Variants in BCAR3 observed in about 807,000 individuals in gnomAD.
BCAR3 encodes the protein BCAR3 adaptor protein, NSP family member, also known as breast cancer anti-estrogen resistance protein 3.
Under a neutral mutation model 80.1 loss-of-function variants are expected in BCAR3, and 37 were observed. That is an observed-to-expected ratio of 0.46 (90% CI 0.36 to 0.61). The LOEUF (loss-of-function observed/expected upper bound fraction) is 0.61, where lower values mean the gene tolerates loss of function less well. Among genes scored for constraint, BCAR3 ranks in the 20% least tolerant of loss-of-function variants. BCAR3 has a pLI of 0.00. For synonymous variants in BCAR3, 389 were observed against 418.9 expected (o/e 0.93, Z 0.87); for missense variants, 978 against 1,068.2 (o/e 0.92, Z 1.18).
intron 2 of BCAR3, among the ~76,000 whole-genome samples, chr1:93,738,231 G>A (rs1301129501): frequency 6.6e-6 from 1 of 152,112 alleles, no homozygotes; most frequent in East Asian, 1.9e-4. Context: ...TCAAAGTAGG[G>A]ACAATATTAC....
At chr1:93,822,377 T>C (rs1654256378) in intron 2 of BCAR3, among the ~76,000 whole-genome samples, 1 of 151,462 alleles carries the variant, frequency 6.6e-6, no homozygotes, top group Non-Finnish European at 1.5e-5. Flanking sequence ...TTTGCTCTTG[T>C]TGTCCAGGCT....
chr1:93,595,840 G>T (rs576394470), intron 3 of BCAR3, among the ~76,000 whole-genome samples: 21 of 152,334 alleles, frequency 1.4e-4, no homozygotes, highest in African/African-American at 4.8e-4. Flanking sequence ...TCATAGCACT[G>T]GTCATGCATG....
chr1:93,568,847 G>A (rs1673084763), intron 9 of BCAR3, among the ~76,000 whole-genome samples: 1 of 152,032 alleles, frequency 6.6e-6, no homozygotes, highest in Non-Finnish European at 1.5e-5. Context: ...CTTTGAGATG[G>A]GGTCTCACTC....
chr1:93,701,958 G>A (rs1649658486), intron 3 of BCAR3, among the ~76,000 whole-genome samples: 1 of 152,206 alleles, frequency 6.6e-6, no homozygotes, highest in Admixed American at 6.5e-5. Context: ...AGGGCTGAGT[G>A]AGTGTAGTGG....
At chr1:93,833,685 A>G (rs1654660991) in intron 2 of BCAR3, among the ~76,000 whole-genome samples, 1 of 152,146 alleles carries the variant, frequency 6.6e-6, no homozygotes, top group South Asian at 2.1e-4. Flanking sequence ...CTGGCCCCAC[A>G]GGCAGTCAGA....
chr1:93,655,962 G>C (rs962042267), intron 2 of BCAR3, among the ~76,000 whole-genome samples: 13 of 152,206 alleles, frequency 8.5e-5, no homozygotes, highest in Non-Finnish European at 7.3e-5. Flanking sequence ...CTTTCCTTTT[G>C]GCATCCTTTT....
intron 2 of BCAR3, among the ~76,000 whole-genome samples, chr1:93,727,713 T>C (rs1039440291): frequency 1.3e-5 from 2 of 152,214 alleles, no homozygotes; most frequent in Non-Finnish European, 2.9e-5. Flanking sequence ...AAATTAAAGT[T>C]ACCTATAAAT....
intron 2 of BCAR3, among the ~76,000 whole-genome samples, chr1:93,737,983 C>T (rs1272258393): frequency 6.6e-6 from 1 of 152,108 alleles, no homozygotes; most frequent in South Asian, 2.1e-4. Flanking sequence ...GCAAGCACAA[C>T]CATGCCAGCC....
At chr1:93,716,006 C>T (rs1650178310) in intron 2 of BCAR3, among the ~76,000 whole-genome samples, 1 of 152,200 alleles carries the variant, frequency 6.6e-6, no homozygotes, top group African/African-American at 2.4e-5. Flanking sequence ...GCGTCTCTCC[C>T]CTGCCCTTCC....
chr1:93,662,440 T>A (rs1333239579), intron 2 of BCAR3, among the ~76,000 whole-genome samples: 1 of 152,204 alleles, frequency 6.6e-6, no homozygotes, highest in Admixed American at 6.5e-5. Context: ...GGTTTGCTGT[T>A]TCAAAATACC....
chr1:93,607,812 T>C (rs1216091875), intron 3 of BCAR3, among the ~76,000 whole-genome samples: 1 of 152,186 alleles, frequency 6.6e-6, no homozygotes, highest in African/African-American at 2.4e-5. Flanking sequence ...TCCCTGGATC[T>C]CACAATAGGC....
At chr1:93,714,630 A>G (rs1340739177) in intron 2 of BCAR3, among the ~76,000 whole-genome samples, 1 of 152,134 alleles carries the variant, frequency 6.6e-6, no homozygotes, top group East Asian at 1.9e-4. Context: ...TCTTGGCTTT[A>G]CTTGTATTTT....
intron 2 of BCAR3, among the ~76,000 whole-genome samples, chr1:93,783,375 G>A (rs1016363197): frequency 6.6e-6 from 1 of 152,132 alleles, no homozygotes; most frequent in Admixed American, 6.6e-5. Context: ...TTTGCTAAAT[G>A]CCTCTGACAT....
chr1:93,601,445 G>C (rs1674619588), intron 3 of BCAR3, among the ~76,000 whole-genome samples: 1 of 152,144 alleles, frequency 6.6e-6, no homozygotes. Context: ...ATAGATGCAG[G>C]GTGAGTAAGC....
intron 2 of BCAR3, among the ~76,000 whole-genome samples, chr1:93,740,906 C>G (rs1490121285): frequency 6.6e-6 from 1 of 152,206 alleles, no homozygotes; most frequent in Non-Finnish European, 1.5e-5. Flanking sequence ...TTCCAGCTGA[C>G]AGCCTTGTGT....
At chr1:93,590,844 G>A (rs978921740) in intron 4 of BCAR3, among the ~76,000 whole-genome samples, 3 of 152,142 alleles carry the variant, frequency 2.0e-5, no homozygotes, top group African/African-American at 7.2e-5. Context: ...CATGCATACC[G>A]TGGACAGACA....
At chr1:93,821,034 T>C (rs1218511480) in intron 2 of BCAR3, among the ~76,000 whole-genome samples, 1 of 152,074 alleles carries the variant, frequency 6.6e-6, no homozygotes, top group Non-Finnish European at 1.5e-5. Flanking sequence ...CCCCTATCAC[T>C]CCGGAAATTA....
At chr1:93,788,163 T>C (rs889138266) in intron 2 of BCAR3, among the ~76,000 whole-genome samples, 7 of 152,178 alleles carry the variant, frequency 4.6e-5, no homozygotes, top group Non-Finnish European at 1.0e-4. Flanking sequence ...TTTCTATTTC[T>C]GTGGAATGTC....
At chr1:93,749,759 A>ACCAAAT (rs1426760466) in intron 2 of BCAR3, among the ~76,000 whole-genome samples, 1 of 152,094 alleles carries the variant, frequency 6.6e-6, no homozygotes, top group Non-Finnish European at 1.5e-5. Flanking sequence ...ATTTCCACTC[A>ACCAAAT]CCAAATCAGG....
Sources: allele counts gnomAD v4.1 joint callset (sites outside exome capture counted in the v4.1 genomes callset), GRCh38; gene constraint gnomAD v4.1.1; transcripts MANE v1.5; gene names NCBI Gene and HGNC (gene_info 2026-07-23, HGNC 2026-07-21).